The following SCAI variants were observed in gnomAD, a reference collection of about 807,000 sequenced individuals.
The protein encoded by SCAI is suppressor of cancer cell invasion, also known as protein SCAI.
Under a neutral mutation model 92.2 loss-of-function variants are expected in SCAI, and 24 were observed. That is an observed-to-expected ratio of 0.26 (90% confidence interval 0.19 to 0.37). The LOEUF (loss-of-function observed/expected upper bound fraction) is 0.37. Among genes scored for constraint, SCAI ranks in the 10% least tolerant of loss-of-function variants. The probability of loss-of-function intolerance (pLI) is 1.00; values close to 1 mark genes in which losing one functional copy is unlikely to be tolerated. For missense variants in SCAI, 450 were observed against 736.2 expected (o/e 0.61, Z 4.50); for synonymous variants, 261 against 258.6 (o/e 1.01, Z -0.09).
chr9:125,142,525 G>GA, intron 2 of SCAI, 108 bp downstream of exon 2: 6 of 791,376 alleles, frequency 7.6e-6, no homozygotes, highest in Non-Finnish European at 1.3e-5. Flanking sequence ...TTAAAAGGGG[G>GA]ATAAATAAGA....
At chr9:125,069,033 T>C (rs1006156568) in intron 2 of SCAI, among the ~76,000 whole-genome samples, 3 of 151,894 alleles carry the variant, frequency 2.0e-5, no homozygotes, top group African/African-American at 7.2e-5. Flanking sequence ...CTGGTCAACA[T>C]GGTGAAACTC....
intron 2 of SCAI, among the ~76,000 whole-genome samples, chr9:125,058,437 C>T (rs1345692313): frequency 2.0e-5 from 3 of 152,104 alleles, no homozygotes; most frequent in Non-Finnish European, 2.9e-5. Flanking sequence ...ATCACGTGAA[C>T]CCGGGAGGCG....
intron 2 of SCAI, among the ~76,000 whole-genome samples, chr9:125,131,768 G>A (rs912916398): frequency 1.1e-4 from 17 of 152,140 alleles, no homozygotes; most frequent in African/African-American, 3.4e-4. Flanking sequence ...TTTGCTGTAC[G>A]GATGTTGCTG....
intron 14 of SCAI, among the ~76,000 whole-genome samples, chr9:124,981,754 A>G (rs1831890793): frequency 6.6e-6 from 1 of 151,944 alleles, no homozygotes; most frequent in African/African-American, 2.4e-5. Context: ...AACTCAAGCA[A>G]TCCTCCTGCC....
intron 3 of SCAI, among the ~76,000 whole-genome samples, chr9:125,046,870 T>C (rs1833454399): frequency 6.6e-6 from 1 of 151,882 alleles, no homozygotes; most frequent in African/African-American, 2.4e-5. Context: ...TTTGATAGAA[T>C]ATATTATATT....
intron 2 of SCAI, among the ~76,000 whole-genome samples, chr9:125,133,173 T>C (rs1371711770): frequency 6.6e-6 from 1 of 152,156 alleles, no homozygotes; most frequent in African/African-American, 2.4e-5. Flanking sequence ...GCAGATCACT[T>C]GAGGTCAGGA....
intron 2 of SCAI, among the ~76,000 whole-genome samples, chr9:125,092,043 T>C (rs1364671313): frequency 6.8e-6 from 1 of 146,310 alleles, no homozygotes; most frequent in East Asian, 2.0e-4. Flanking sequence ...GGCAGGAGAA[T>C]GGCGTGAACC....
Position 125,143,440 on chromosome 9 carries a change from G to C in SCAI, c.-3C>G. 1 of 1,383,576 alleles carries C rather than the reference G, an allele frequency of 7.2e-7. No individual in the cohort carries two copies. Among genetic ancestry groups the C allele is most frequent in the Non-Finnish European group, 9.4e-7 (1 of 1,066,176 alleles). 85.7% of individuals were successfully genotyped at this position (1,383,576 alleles called of 1,614,324 possible). A position where few individuals can be genotyped will look rare whatever the true frequency, so the allele number is the denominator to read the frequency against. Reference sequence around the variant, plus strand: ...GGCTGCCGGGCTCCTCTGACCATCCGGCTCCTGCTCCGCCGCGGGAGCTGC... The same window carrying C: ...GGCTGCCGGGCTCCTCTGACCATCCCGCTCCTGCTCCGCCGCGGGAGCTGC... On this transcript the variant is annotated 5_prime_UTR_variant, in exon 1 of 18. Transcript: ENST00000336505.
At chr9:124,988,210 G>A (rs766023499) in intron 14 of SCAI, among the ~76,000 whole-genome samples, 2 of 151,994 alleles carry the variant, frequency 1.3e-5, no homozygotes, top group Admixed American at 6.6e-5. Flanking sequence ...ACTGGCATTA[G>A]GGATTACCCA....
In SCAI at chr9:125,130,936, CTTTTTTTT is replaced by C. The variant is rs545651994; in HGVS notation, c.98+11689_98+11696del. ...CTTATCTGGATCTTGGTTTGAACCGCTTTTTTTTTTTTTTTTTTTTTTTTTTGGAGACA... is the reference window on the plus strand; with the variant it reads ...CTTATCTGGATCTTGGTTTGAACCGCTTTTTTTTTTTTTTTTTTGGAGACA... On this transcript the variant is annotated intron_variant, in intron 2 of 17. Transcript: ENST00000336505. 1.2e-3 allele frequency among the ~76,000 whole-genome samples: 92 copies of C among 77,292 alleles called. 1 individual carries two copies. In the East Asian group the frequency reaches 0.029, roughly 25 times the overall value. The allele number at this position is 77,292 out of a possible 152,430, so 50.7% of individuals were successfully genotyped here.
intron 9 of SCAI, among the ~76,000 whole-genome samples, chr9:125,016,373 G>GT (rs1163635917): frequency 7.3e-6 from 1 of 137,748 alleles, no homozygotes; most frequent in Non-Finnish European, 1.5e-5. Context: ...AGGAGACAGA[G>GT]CAAGACTCTG....
intron 9 of SCAI, among the ~76,000 whole-genome samples, chr9:125,016,226 A>T (rs1460915099): frequency 6.7e-6 from 1 of 150,270 alleles, no homozygotes. Context: ...ATACAAAAAA[A>T]AAATACAAAA....
At position 124,994,946 on chromosome 9, in the gene SCAI, A is replaced by C; in HGVS notation, c.1314T>G (p.Ser438Arg). The C allele has an allele frequency of 6.2e-7, 1 of 1,612,034 alleles. No individual in the cohort carries two copies. The highest frequency in any genetic ancestry group is 8.5e-7 in the Non-Finnish European group (1 of 1,178,964). The part of the protein sequence containing the change: ...PLFIIVDSSN[S>R]VAYKNFTNLF... ...TCATGGAACTCACCTTATACGCAAC[A>C]CTATTAGACGAATCCACAATGATGA... is the stretch of plus-strand genomic sequence containing the variant. Residue 438 changes from serine to arginine, a missense_variant, in exon 14 of 18, where the codon AGT becomes AGG. Ser to Arg is a moderately radical substitution (Grantham distance 110, BLOSUM62 -1). This residue lies in a region of SCAI where 360 missense variants were observed against 601.8 expected (regional missense o/e 0.60). Transcript: ENST00000336505.
chr9:125,099,610 A>G (rs1318487023), intron 2 of SCAI, among the ~76,000 whole-genome samples: 1 of 152,206 alleles, frequency 6.6e-6, no homozygotes, highest in Non-Finnish European at 1.5e-5. Flanking sequence ...CTTATGTTTA[A>G]GCAAAACATA....
intron 4 of SCAI, 60 bp from the exon 5 acceptor site, chr9:125,028,538 A>T: frequency 1.2e-6 from 1 of 857,896 alleles, no homozygotes; most frequent in Non-Finnish European, 1.8e-6. Context: ...AACTAATCAA[A>T]TCTGTAAATT....
rs771180910 is a variant in SCAI, at chr9:125,142,675, A to T, written c.56T>A (p.Leu19Gln). The change falls in exon 2 of 18, where the codon CTG becomes CAG. Residue 19 changes from leucine (L) to glutamine (Q), a missense_variant and splice_region_variant. Coordinates refer to ENST00000336505, the MANE Select transcript of SCAI (RefSeq NM_001144877.3). ...AGGCGGTTTCTCCACTGTGCCAGTC[A>T]GTCTGCAGACCAAACAAATAAGACG... Reference protein sequence around the residue: ...QQPRSRLAPRLTGTVEKPPRK... With the variant: ...QQPRSRLAPRQTGTVEKPPRK... 9.3e-6 allele frequency: 15 copies of T among 1,613,340 alleles called. No individual in the cohort carries two copies. The African/African-American group carries it at 2.0e-4, about 22-fold the overall frequency.
rs1406619414 is a variant in SCAI, at chr9:124,995,003, C to T, written c.1257G>A (p.Gly419=). Reference sequence around the variant, plus strand: ...GCTTCCTGGTGAAAGGATAGAGATCCCCGGGATGAAGGCTGGGAAAACAAC... The same window carrying T: ...GCTTCCTGGTGAAAGGATAGAGATCTCCGGGATGAAGGCTGGGAAAACAAC... ...SHKEMHCLHP[G]DLYPFTRKPL... is the part of the protein sequence containing the mutation. The change falls in exon 14 of 18, where the codon GGG becomes GGA. Residue 419 remains glycine (G), a synonymous_variant. Coordinates refer to ENST00000336505, the MANE Select transcript of SCAI (RefSeq NM_001144877.3). 6.2e-7 allele frequency: 1 copy of T among 1,610,926 alleles called. No individual in the cohort carries two copies. Among genetic ancestry groups the T allele is most frequent in the Non-Finnish European group, 8.5e-7 (1 of 1,178,642 alleles).
intron 3 of SCAI, among the ~76,000 whole-genome samples, chr9:125,032,253 G>A (rs1389142559): frequency 3.5e-5 from 5 of 142,828 alleles, no homozygotes; most frequent in African/African-American, 1.1e-4. Context: ...GTGCAGTGGC[G>A]CGATCTCGGC....
At chr9:125,041,410 C>T (rs947465275) in intron 3 of SCAI, among the ~76,000 whole-genome samples, 2 of 152,202 alleles carry the variant, frequency 1.3e-5, no homozygotes, top group African/African-American at 4.8e-5. Flanking sequence ...TTGTCAGCAA[C>T]ACCAACTTTG....
Sources: gnomAD v4.1 joint callset for allele counts (sites outside exome capture counted in the v4.1 genomes callset) on GRCh38, gnomAD v4.1.1 for gene constraint, gnomAD v4.1.1 regional missense constraint, MANE v1.5 for transcripts, NCBI Gene and HGNC (gene_info 2026-07-23, HGNC 2026-07-21) for gene names.